Variants in LRRC4C observed in about 807,000 individuals in gnomAD.
The protein encoded by LRRC4C is leucine rich repeat containing 4C.
A neutral mutation model predicts 33.6 loss-of-function variants in LRRC4C; 5 were observed. That is an observed-to-expected ratio of 0.15 (90% CI 0.08 to 0.31). The LOEUF (loss-of-function observed/expected upper bound fraction) is 0.31. Among genes scored for constraint, LRRC4C ranks in the 10% least tolerant of loss-of-function variants. The probability of loss-of-function intolerance (pLI) is 1.00; values close to 1 mark genes in which losing one functional copy is unlikely to be tolerated. For synonymous variants in LRRC4C, 329 were observed against 302.0 expected (o/e 1.09, Z -0.93); for missense variants, 560 against 796.7 (o/e 0.70, Z 3.58).
intron 3 of LRRC4C, among the ~76,000 whole-genome samples, chr11:40,342,050 CT>C (rs1946892798): frequency 6.6e-6 from 1 of 151,552 alleles, no homozygotes; most frequent in African/African-American, 2.4e-5. Flanking sequence ...CAAAGCTTAT[CT>C]GTAGCCAAGT....
chr11:40,925,249 C>G (rs981339383), intron 2 of LRRC4C, among the ~76,000 whole-genome samples: 1 of 152,098 alleles, frequency 6.6e-6, no homozygotes, highest in Admixed American at 6.6e-5. Flanking sequence ...ATTTTATTTT[C>G]CCACCCTCAA....
intron 1 of LRRC4C, among the ~76,000 whole-genome samples, chr11:41,320,315 CATAG>C (rs778256596): frequency 6.6e-6 from 1 of 152,112 alleles, no homozygotes; most frequent in Non-Finnish European, 1.5e-5. Flanking sequence ...ATTTGAAAGA[CATAG>C]AAGAAAGAAA....
chr11:41,097,265 T>A (rs533475659), intron 1 of LRRC4C, among the ~76,000 whole-genome samples: 18 of 152,176 alleles, frequency 1.2e-4, no homozygotes, highest in Middle Eastern at 3.2e-3. Context: ...AAGCCTAAGA[T>A]GGTAAACTAG....
intron 2 of LRRC4C, among the ~76,000 whole-genome samples, chr11:40,805,720 T>A (rs1225301895): frequency 1.3e-5 from 2 of 152,172 alleles, no homozygotes; most frequent in Non-Finnish European, 2.9e-5. Context: ...AACACAGATA[T>A]ATCTGTTATG....
intron 1 of LRRC4C, among the ~76,000 whole-genome samples, chr11:41,347,274 C>G (rs903887079): frequency 6.6e-6 from 1 of 152,104 alleles, no homozygotes; most frequent in Non-Finnish European, 1.5e-5. Context: ...ATTTTCTCTG[C>G]CTTAATACCC....
intron 1 of LRRC4C, among the ~76,000 whole-genome samples, chr11:41,192,460 C>T (rs1018057597): frequency 4.0e-5 from 6 of 151,810 alleles, no homozygotes; most frequent in Non-Finnish European, 7.4e-5. Context: ...CACACACACA[C>T]ATACACATAT....
intron 1 of LRRC4C, among the ~76,000 whole-genome samples, chr11:41,130,008 T>A (rs1942936563): frequency 1.3e-5 from 2 of 151,930 alleles, no homozygotes; most frequent in African/African-American, 4.8e-5. Context: ...GTTTAGTTAT[T>A]TACTGTCCAT....
At chr11:40,168,255 G>A (rs570467846) in intron 5 of LRRC4C, among the ~76,000 whole-genome samples, 2 of 152,228 alleles carry the variant, frequency 1.3e-5, no homozygotes, top group Admixed American at 1.3e-4. Context: ...GGGACAAAAT[G>A]TTCAGGTTTA....
At chr11:40,727,811 G>A (rs1196102619) in intron 2 of LRRC4C, among the ~76,000 whole-genome samples, 1 of 152,108 alleles carries the variant, frequency 6.6e-6, no homozygotes, top group Admixed American at 6.5e-5. Context: ...CATTTTAGGA[G>A]GCTCAGGTGG....
Position 41,387,201 on chromosome 11 carries a change from T to C in LRRC4C, c.-496+72230A>G, listed in dbSNP as rs532643755. 1.0e-3 allele frequency among the ~76,000 whole-genome samples: 118 copies of C among 115,202 alleles called. 1 individual carries two copies. Among genetic ancestry groups the C allele is most frequent in the Non-Finnish European group, 1.5e-3 (72 of 49,238 alleles). 75.6% of individuals were successfully genotyped at this position (115,202 alleles called of 152,430 possible). On this transcript the variant is annotated intron_variant, in intron 1 of 6. Transcript: ENST00000528697. ...TACTTTTTAGGCAATGAGGAGATGA[T>C]AACTTTTTTTTAAAGGGAAGTGGAT...
Position 40,285,102 on chromosome 11 carries a change from T to C in LRRC4C, c.-176+34526A>G, listed in dbSNP as rs1012779165. ...TGCACCAGGCACTGTACTGAAAATA[T>C]AACATGTATTTTTTTCCTTAATCCT... is the stretch of plus-strand genomic sequence containing the variant. On this transcript the variant is annotated intron_variant, in intron 4 of 6. Coordinates refer to ENST00000528697, the MANE Select transcript of LRRC4C (RefSeq NM_001258419.2). Among the ~76,000 whole-genome samples the C allele has an allele frequency of 8.5e-5, 13 of 152,144 alleles. No individual in the cohort carries two copies. The East Asian group carries it at 1.4e-3, about 16-fold the overall frequency.
intron 1 of LRRC4C, among the ~76,000 whole-genome samples, chr11:41,083,779 G>A (rs1385918416): frequency 6.6e-6 from 1 of 152,186 alleles, no homozygotes; most frequent in African/African-American, 2.4e-5. Context: ...CTTGCCTGTT[G>A]TGACAAGATG....
chr11:41,255,204 T>C (rs1002858123), intron 1 of LRRC4C, among the ~76,000 whole-genome samples: 1 of 152,054 alleles, frequency 6.6e-6, no homozygotes, highest in Non-Finnish European at 1.5e-5. Flanking sequence ...ACAATACAGA[T>C]GGATCTTCTT....
intron 3 of LRRC4C, among the ~76,000 whole-genome samples, chr11:40,620,060 A>AG (rs1962299423): frequency 2.3e-5 from 1 of 42,960 alleles, no homozygotes; most frequent in African/African-American, 1.2e-4. Flanking sequence ...AAATACCTGA[A>AG]AAAAAAAAAA....
chr11:40,360,596 T>C (rs1201951540), intron 3 of LRRC4C, among the ~76,000 whole-genome samples: 1 of 152,128 alleles, frequency 6.6e-6, no homozygotes, highest in South Asian at 2.1e-4. Flanking sequence ...GATACGAGGA[T>C]GAAGTCATTC....
chr11:41,404,722 G>GA (rs1427752304), intron 1 of LRRC4C, among the ~76,000 whole-genome samples: 2 of 151,944 alleles, frequency 1.3e-5, no homozygotes, highest in Non-Finnish European at 2.9e-5. Flanking sequence ...GTGCCAGGGA[G>GA]AAAAAATACA....
intron 4 of LRRC4C, among the ~76,000 whole-genome samples, chr11:40,264,764 G>C (rs1408392391): frequency 6.6e-6 from 1 of 152,134 alleles, no homozygotes; most frequent in Non-Finnish European, 1.5e-5. Context: ...TTCTCATTCT[G>C]AATTCAGTAC....
At chr11:40,514,459 CAT>C (rs1459178164) in intron 3 of LRRC4C, among the ~76,000 whole-genome samples, 1 of 151,852 alleles carries the variant, frequency 6.6e-6, no homozygotes, top group Non-Finnish European at 1.5e-5. Context: ...TGCATATAAA[CAT>C]ATCATTTTCT....
At chr11:40,296,280 G>C (rs1944507474) in intron 4 of LRRC4C, among the ~76,000 whole-genome samples, 2 of 152,042 alleles carry the variant, frequency 1.3e-5, no homozygotes, top group Admixed American at 1.3e-4. Flanking sequence ...TCGTCACATG[G>C]CTTTCATTTT....
Sources: gnomAD v4.1 joint callset for allele counts (sites outside exome capture counted in the v4.1 genomes callset) on GRCh38, gnomAD v4.1.1 for gene constraint, MANE v1.5 for transcripts, NCBI Gene and HGNC (gene_info 2026-07-23, HGNC 2026-07-21) for gene names.